The following TRIM51G variants were observed in gnomAD, a reference collection of about 807,000 sequenced individuals.
TRIM51G encodes the protein tripartite motif-containing 51G, also known as tripartite motif-containing protein 51G.
the TRIM51G span, chr11:48,975,601 G>A: frequency 7.2e-7 from 1 of 1,387,756 alleles, no homozygotes; most frequent in Non-Finnish European, 1.0e-6. Flanking sequence ...AAAGCTCACG[G>A]TCCTACCTTC....
the TRIM51G span, chr11:48,981,457 G>C: frequency 6.2e-7 from 1 of 1,607,534 alleles, no homozygotes. Context: ...CCGGAGGCTG[G>C]CTTTTCTGGC....
At chr11:48,981,369 G>T in the TRIM51G span, 2 of 1,607,462 alleles carry the variant, frequency 1.2e-6, no homozygotes, top group African/African-American at 2.7e-5. Context: ...AACAGAGCAG[G>T]CTCTTGTCCA....
the TRIM51G span, chr11:48,978,739 G>T: frequency 1.7e-6 from 1 of 582,424 alleles, no homozygotes; most frequent in Non-Finnish European, 3.2e-6. Flanking sequence ...TCCCAACCAA[G>T]TAGCATTAGT....
chr11:48,975,749 T>C, the TRIM51G span: 22 of 1,565,850 alleles, frequency 1.4e-5, no homozygotes, highest in Non-Finnish European at 1.8e-5. Flanking sequence ...CCATCTATCA[T>C]GTCATTCTGT....
the TRIM51G span, chr11:48,978,816 A>G: frequency 3.7e-6 from 3 of 808,608 alleles, no homozygotes; most frequent in African/African-American, 5.1e-5. Context: ...GGAGAGAGGT[A>G]AAACACCCAT....
the TRIM51G span, chr11:48,976,968 T>C: frequency 3.4e-6 from 2 of 589,904 alleles, no homozygotes; most frequent in South Asian, 1.7e-5. Context: ...TGTATCGTCA[T>C]ATGGTTCACT....
the TRIM51G span, among the ~76,000 whole-genome samples, chr11:48,978,484 T>C: frequency 6.6e-6 from 1 of 152,108 alleles, no homozygotes; most frequent in African/African-American, 2.4e-5. Context: ...GACCCCAACA[T>C]AATATTAGTG....
the TRIM51G span, among the ~76,000 whole-genome samples, chr11:48,983,453 T>C: frequency 1.3e-5 from 2 of 152,082 alleles, no homozygotes; most frequent in Non-Finnish European, 2.9e-5. Flanking sequence ...TATTAGTACA[T>C]GCAGTACACA....
the TRIM51G span, among the ~76,000 whole-genome samples, chr11:48,978,424 T>C: frequency 6.6e-6 from 1 of 152,116 alleles, no homozygotes; most frequent in African/African-American, 2.4e-5. Context: ...GCTGTAACCA[T>C]GAAGAAGCTA....
chr11:48,981,925 C>G, the TRIM51G span, among the ~76,000 whole-genome samples: 1 of 152,176 alleles, frequency 6.6e-6, no homozygotes, highest in African/African-American at 2.4e-5. Flanking sequence ...ACTCCTAGTT[C>G]CTGCCCATAA....
chr11:48,981,208 T>C, the TRIM51G span: 1 of 1,575,834 alleles, frequency 6.3e-7, no homozygotes, highest in Non-Finnish European at 8.7e-7. Context: ...GATGGCATCA[T>C]CCAATCTCGA....
At chr11:48,980,714 T>C in the TRIM51G span, among the ~76,000 whole-genome samples, 1 of 152,162 alleles carries the variant, frequency 6.6e-6, no homozygotes, top group Non-Finnish European at 1.5e-5. Context: ...GTAACATCTG[T>C]GGTCTGATTA....
chr11:48,976,003 A>G, the TRIM51G span: 1 of 596,888 alleles, frequency 1.7e-6, no homozygotes, highest in South Asian at 1.5e-5. Context: ...ATAAACTGCA[A>G]AAATAATTTT....
At chr11:48,978,598 A>G in the TRIM51G span, among the ~76,000 whole-genome samples, 1 of 152,166 alleles carries the variant, frequency 6.6e-6, no homozygotes, top group Non-Finnish European at 1.5e-5. Flanking sequence ...TCCTAAATAT[A>G]TCACTGACTT....
the TRIM51G span, among the ~76,000 whole-genome samples, chr11:48,980,741 GT>G: frequency 6.6e-6 from 1 of 152,122 alleles, no homozygotes; most frequent in Non-Finnish European, 1.5e-5. Flanking sequence ...CTACCAAAGA[GT>G]CACACTAACT....
chr11:48,982,366 A>G, the TRIM51G span, among the ~76,000 whole-genome samples: 3 of 152,132 alleles, frequency 2.0e-5, no homozygotes, highest in Non-Finnish European at 4.4e-5. Flanking sequence ...AAATATATAT[A>G]ATTATATTAC....
chr11:48,980,212 C>G, the TRIM51G span, among the ~76,000 whole-genome samples: 7 of 151,628 alleles, frequency 4.6e-5, no homozygotes, highest in African/African-American at 1.7e-4. Flanking sequence ...ATGAATATTA[C>G]AATAAATTAA....
At chr11:48,979,858 AT>A in the TRIM51G span, among the ~76,000 whole-genome samples, 62,166 of 150,296 alleles carry the variant, frequency 0.41, 15,008 homozygotes, top group Admixed American at 0.52. Flanking sequence ...ATATTCATAT[AT>A]TTATGAGGAA....
At chr11:48,983,620 A>G in the TRIM51G span, among the ~76,000 whole-genome samples, 1 of 151,592 alleles carries the variant, frequency 6.6e-6, no homozygotes. Flanking sequence ...ATGAATAGCA[A>G]TAATATGAGT....
Sources: gnomAD v4.1 joint callset for allele counts (sites outside exome capture counted in the v4.1 genomes callset) on GRCh38, gnomAD v4.1.1 for gene constraint, MANE v1.5 for transcripts, NCBI Gene and HGNC (gene_info 2026-07-23, HGNC 2026-07-21) for gene names.